DOCK7: variants seen among roughly 807,000 people sequenced by gnomAD.
DOCK7 encodes dedicator of cytokinesis protein 7.
DOCK7 carries 138 observed loss-of-function variants against 271.0 expected under a neutral mutation model. That is an observed-to-expected ratio of 0.51 (90% CI 0.44 to 0.59). DOCK7 has a LOEUF of 0.59. Among genes scored for constraint, DOCK7 ranks in the 20% least tolerant of loss-of-function variants. DOCK7 has a pLI of 0.00. For missense variants in DOCK7, 2,066 were observed against 2,592.4 expected, an observed-to-expected ratio of 0.80 and a Z score of 4.41; for synonymous variants, 823 against 876.1, an observed-to-expected ratio of 0.94 and a Z score of 1.07.
rs1553153175 is a variant in DOCK7 at position 62,483,209 on chromosome 1, T to TTGTTG, written c.5508+4188_5508+4189insCAACA. Reference sequence around the variant, plus strand: ...TTTTTTTTTTTTTTTTTTTTTTTTTTTTGGGTAGAGATGAGATCTCAGTGT... The same window carrying TTGTTG: ...TTTTTTTTTTTTTTTTTTTTTTTTTTTGTTGTTGGGTAGAGATGAGATCTCAGTGT... On this transcript the variant is annotated intron_variant, in intron 43 of 49. Coordinates refer to ENST00000635253, the MANE Select transcript of DOCK7 (RefSeq NM_001367561.1). 2.3e-4 allele frequency: 17 copies of TTGTTG among 74,400 alleles called. 6 individuals are homozygous for TTGTTG. Among genetic ancestry groups the TTGTTG allele is most frequent in the Non-Finnish European group, 4.8e-4 (17 of 35,594 alleles). 4.6% of individuals were successfully genotyped at this position (74,400 alleles called of 1,614,324 possible).
intron 44 of DOCK7, 104 bp downstream of exon 44, chr1:62,477,596 G>T: frequency 2.4e-6 from 3 of 1,267,484 alleles, no homozygotes; most frequent in Non-Finnish European, 3.2e-6. Context: ...TAGTTTACTT[G>T]GCAAGATCTG....
chr1:62,580,640 A>G (rs549514907), intron 16 of DOCK7, among the ~76,000 whole-genome samples: 1 of 152,134 alleles, frequency 6.6e-6, no homozygotes, highest in Non-Finnish European at 1.5e-5. Flanking sequence ...TTGGCTAAAC[A>G]TTGCATTACT....
chr1:62,685,596 C>T (rs1661638843), intron 1 of DOCK7, among the ~76,000 whole-genome samples: 2 of 152,130 alleles, frequency 1.3e-5, no homozygotes, highest in South Asian at 4.2e-4. Flanking sequence ...AGATCTCCAG[C>T]CCAATCTCTC....
At chr1:62,541,241 G>C (rs571244571) in intron 25 of DOCK7, among the ~76,000 whole-genome samples, 5 of 151,974 alleles carry the variant, frequency 3.3e-5, no homozygotes, top group Admixed American at 6.6e-5. Flanking sequence ...TGCATTCTAA[G>C]ACAAGTTACT....
At chr1:62,458,313 T>G (rs1645410884) in intron 48 of DOCK7, 1 of 152,214 alleles carries the variant, frequency 6.6e-6, no homozygotes, top group Non-Finnish European at 1.5e-5. Flanking sequence ...AATAATCATC[T>G]TTTGTTTTAG....
chr1:62,685,696 AATC>A (rs1452469188), intron 1 of DOCK7, among the ~76,000 whole-genome samples: 2 of 152,126 alleles, frequency 1.3e-5, no homozygotes, highest in Non-Finnish European at 2.9e-5. Context: ...TCCAAAACTG[AATC>A]ATCATCTCCA....
chr1:62,572,717 C>T (rs1646823736), intron 18 of DOCK7, among the ~76,000 whole-genome samples: 1 of 152,114 alleles, frequency 6.6e-6, no homozygotes, highest in Non-Finnish European at 1.5e-5. Flanking sequence ...ATAACCTTGT[C>T]TAAACCCAAT....
At chr1:62,497,499 T>C (rs1378450728) in intron 37 of DOCK7, among the ~76,000 whole-genome samples, 11 of 152,190 alleles carry the variant, frequency 7.2e-5, no homozygotes. Context: ...CTTGTAGTCA[T>C]GCCAAAAATC....
intron 14 of DOCK7, among the ~76,000 whole-genome samples, chr1:62,612,320 G>A (rs1441749489): frequency 1.3e-5 from 2 of 152,166 alleles, no homozygotes; most frequent in African/African-American, 4.8e-5. Context: ...TAATTAATCT[G>A]TTCTCTAATG....
At chr1:62,584,067 T>C (rs893510514) in intron 15 of DOCK7, 1 of 810,666 alleles carries the variant, frequency 1.2e-6, no homozygotes, top group Admixed American at 6.2e-5. Flanking sequence ...CATGAATAGA[T>C]ATGTGAACAT....
At chr1:62,550,251 C>T (rs1342450461) in intron 22 of DOCK7, among the ~76,000 whole-genome samples, 1 of 112,198 alleles carries the variant, frequency 8.9e-6, no homozygotes, top group Non-Finnish European at 2.0e-5. Context: ...CAGATGAGAG[C>T]TTGAGTGAAA....
chr1:62,538,189 T>C, intron 27 of DOCK7, 128 bp from the exon 28 acceptor site: 1 of 891,408 alleles, frequency 1.1e-6, no homozygotes, highest in Non-Finnish European at 1.6e-6. Context: ...GTGGCTTAAG[T>C]AGCAGTATCA....
intron 1 of DOCK7, among the ~76,000 whole-genome samples, chr1:62,670,173 C>A (rs967769964): frequency 6.6e-6 from 1 of 152,250 alleles, no homozygotes; most frequent in East Asian, 1.9e-4. Flanking sequence ...AGCCTCTCAC[C>A]CCCTCCGTGG....
intron 11 of DOCK7, among the ~76,000 whole-genome samples, chr1:62,630,504 G>A (rs181826465): frequency 6.6e-6 from 1 of 151,994 alleles, no homozygotes; most frequent in Admixed American, 6.5e-5. Flanking sequence ...TCCATCACAG[G>A]TGCACTCACA....
chr1:62,495,869 T>G, intron 38 of DOCK7, 188 bp from the exon 39 acceptor site: 1 of 460,058 alleles, frequency 2.2e-6, no homozygotes, highest in Non-Finnish European at 3.7e-6. Flanking sequence ...TTTATATAAA[T>G]TCCTCAGCAG....
intron 31 of DOCK7, among the ~76,000 whole-genome samples, chr1:62,521,204 A>C (rs1644839289): frequency 1.3e-5 from 2 of 152,158 alleles, no homozygotes; most frequent in African/African-American, 4.8e-5. Context: ...ATACCTATGT[A>C]ACAAACCTGC....
chr1:62,516,480 C>A (rs916722623), intron 31 of DOCK7, among the ~76,000 whole-genome samples: 2 of 152,124 alleles, frequency 1.3e-5, no homozygotes, highest in Middle Eastern at 3.2e-3. Context: ...AATGCCCTAG[C>A]CCATTAGTTC....
In DOCK7 at chr1:62,688,358, C is replaced by A. The variant is rs926367582; in HGVS notation, c.-94G>T. On this transcript the variant is annotated 5_prime_UTR_variant, in exon 1 of 50. Coordinates refer to ENST00000635253, the MANE Select transcript of DOCK7 (RefSeq NM_001367561.1). ...CTCCTCGCTCGTGCTCCCTCCCTCG[C>A]GGCCTCCGCCAGTCCGGGCTCCGGA... 4 of 832,234 alleles carry A rather than the reference C, an allele frequency of 4.8e-6. No individual in the cohort carries two copies. Among genetic ancestry groups the A allele is most frequent in the African/African-American group, 3.6e-5 (2 of 55,448 alleles). 51.6% of individuals were successfully genotyped at this position (832,234 alleles called of 1,614,324 possible).
At chr1:62,498,846 G>A (rs1303662946) in intron 37 of DOCK7, among the ~76,000 whole-genome samples, 2 of 151,448 alleles carry the variant, frequency 1.3e-5, no homozygotes, top group Non-Finnish European at 2.9e-5. Context: ...CTGTCACCCA[G>A]GCTGGAGTGA....
Sources: gnomAD v4.1 joint callset for allele counts (sites outside exome capture counted in the v4.1 genomes callset) on GRCh38, gnomAD v4.1.1 for gene constraint, MANE v1.5 for transcripts, NCBI Gene and HGNC (gene_info 2026-07-23, HGNC 2026-07-21) for gene names.